PXK: variants seen among roughly 807,000 people sequenced by gnomAD.
The protein encoded by PXK is PX domain-containing protein kinase-like protein.
A neutral mutation model predicts 84.7 loss-of-function variants in PXK; 35 were observed. The ratio of observed to expected loss-of-function variants is 0.41; its 90% CI spans 0.32 to 0.55. PXK has a LOEUF of 0.55. Among genes scored for constraint, PXK ranks in the 20% least tolerant of loss-of-function variants. The pLI is 0.21. For synonymous variants in PXK, 253 were observed against 260.8 expected (o/e 0.97, Z 0.29); for missense variants, 634 against 699.7 (o/e 0.91, Z 1.06).
chr3:58,383,985 C>A lies in PXK; in HGVS notation c.388+1285C>A, dbSNP rs1312247255. Among the ~76,000 whole-genome samples the A allele has an allele frequency of 6.6e-6, 1 of 152,134 alleles. No individual in the cohort carries two copies. The highest frequency in any genetic ancestry group is 1.5e-5 in the Non-Finnish European group (1 of 68,030). On this transcript the variant is annotated intron_variant, in intron 4 of 17. Transcript: ENST00000356151. The surrounding 1 kb of genome is among the most constrained non-coding windows in gnomAD (Gnocchi z 4.0). ...GGGAAACAGATGTCTACTTGGCAGG[C>A]ACCAAGTTTTTCTCCACAGTAGAAT...
chr3:58,391,858 GTCTT>G lies in PXK; in HGVS notation c.615+17_615+20del. ...CTGCCTTCTTGTTTGGTGAGTATAC[GTCTT>G]TCTTTTATTCTCAGTGCTGATGATA... On this transcript the variant is annotated intron_variant, in intron 7 of 17. Coordinates refer to ENST00000356151, the MANE Select transcript of PXK (RefSeq NM_017771.5). 1 of 1,596,040 alleles carries G rather than the reference GTCTT, an allele frequency of 6.3e-7. No individual in the cohort carries two copies. The highest frequency in any genetic ancestry group is 8.6e-7 in the Non-Finnish European group (1 of 1,164,010).
intron 16 of PXK, among the ~76,000 whole-genome samples, 181 bp downstream of exon 16, chr3:58,410,340 C>T (rs1188226990): frequency 6.6e-6 from 1 of 152,208 alleles, no homozygotes; most frequent in East Asian, 1.9e-4. Context: ...GCTTACAGCA[C>T]TCAAATGCTA....
intron 4 of PXK, among the ~76,000 whole-genome samples, chr3:58,386,303 T>TTTTC: frequency 7.3e-6 from 1 of 137,412 alleles, no homozygotes; most frequent in African/African-American, 2.7e-5. Flanking sequence ...TTTTTTTTTT[T>TTTTC]TTTTTTTTTT....
intron 1 of PXK, among the ~76,000 whole-genome samples, chr3:58,342,127 T>C (rs920595057): frequency 2.6e-5 from 4 of 152,118 alleles, no homozygotes; most frequent in Admixed American, 1.3e-4. Flanking sequence ...ATTACCAAAC[T>C]CCAAGAAACA....
intron 1 of PXK, among the ~76,000 whole-genome samples, chr3:58,339,538 GT>G (rs945465429): frequency 6.6e-6 from 1 of 151,404 alleles, no homozygotes; most frequent in East Asian, 1.9e-4. Flanking sequence ...CCAGAAGTTG[GT>G]TTTTTTTGCA....
chr3:58,415,940 A>G (rs555325231), intron 17 of PXK, among the ~76,000 whole-genome samples: 4 of 152,348 alleles, frequency 2.6e-5, no homozygotes, highest in African/African-American at 7.2e-5. Context: ...AGGTAGATTC[A>G]GAGATCTGAC....
intron 1 of PXK, among the ~76,000 whole-genome samples, chr3:58,355,941 A>G (rs79549005): frequency 0.018 from 2,719 of 152,272 alleles, 78 homozygotes; most frequent in African/African-American, 0.062. Flanking sequence ...CATCCTAGCT[A>G]TGCCACCTTG....
At chr3:58,358,581 A>T (rs966456605) in intron 1 of PXK, among the ~76,000 whole-genome samples, 1 of 152,130 alleles carries the variant, frequency 6.6e-6, no homozygotes, top group Non-Finnish European at 1.5e-5. Context: ...CCTGATCCCC[A>T]GTTTCTCAAC....
In PXK at chr3:58,370,042, G is replaced by A. The variant is rs2098341850; in HGVS notation, c.201+564G>A. On this transcript the variant is annotated intron_variant, in intron 3 of 17. Coordinates refer to ENST00000356151, the MANE Select transcript of PXK (RefSeq NM_017771.5). This position sits in a 1 kb window ranked among gnomAD's most constrained non-coding sequence, Gnocchi z 4.2. ...GACTGTATTCTTACCACAGTCATAGGAGGCTGACGTAATATCTCCTTTTAA... is the reference window on the plus strand; with the variant it reads ...GACTGTATTCTTACCACAGTCATAGAAGGCTGACGTAATATCTCCTTTTAA... Among the ~76,000 whole-genome samples the A allele has an allele frequency of 6.6e-6, 1 of 152,114 alleles. No homozygotes were observed.
At chr3:58,422,397 C>A in intron 17 of PXK, 7 of 985,376 alleles carry the variant, frequency 7.1e-6, no homozygotes, top group Non-Finnish European at 8.4e-6. Context: ...ACATCAAGCC[C>A]CACCGGACTG....
chr3:58,338,810 G>A (rs942323020), intron 1 of PXK, among the ~76,000 whole-genome samples: 11 of 151,396 alleles, frequency 7.3e-5, no homozygotes, highest in African/African-American at 2.4e-4. Flanking sequence ...AGCCTCCCGA[G>A]TAGATGGGAT....
chr3:58,421,133 C>T lies in PXK; in HGVS notation c.1529-3619C>T, dbSNP rs556797020. The T allele has an allele frequency of 8.6e-5, 85 of 985,400 alleles. No individual in the cohort carries two copies. The Middle Eastern group carries it at 2.1e-3, about 24-fold the overall frequency. The allele number at this position is 985,400 out of a possible 1,614,324, so 61.0% of individuals were successfully genotyped here. A position where few individuals can be genotyped will look rare whatever the true frequency, so the allele number is the denominator to read the frequency against. On this transcript the variant is annotated intron_variant, in intron 17 of 17. Transcript: ENST00000356151. This position sits in a 1 kb window ranked among gnomAD's most constrained non-coding sequence, Gnocchi z 5.5. ...CCGAGAGCTGGGGGCTTGCCTGCTTCGGTTCTCTCCTGAGGGTGGCTGGTA... is the reference window on the plus strand; with the variant it reads ...CCGAGAGCTGGGGGCTTGCCTGCTTTGGTTCTCTCCTGAGGGTGGCTGGTA...
In PXK at chr3:58,333,492, T is replaced by TA. The variant is rs2107557346; in HGVS notation, c.102+404dup. ...CAGCCTTTTCCTTTTTGAGGCCGTG[T>TA]AATTTCCTCCTTGCAGCTGAGGGTC... On this transcript the variant is annotated intron_variant, in intron 1 of 17. Coordinates refer to ENST00000356151, the MANE Select transcript of PXK (RefSeq NM_017771.5). The surrounding 1 kb of genome is among the most constrained non-coding windows in gnomAD (Gnocchi z 5.4). 2 of 455,726 alleles carry TA rather than the reference T, an allele frequency of 4.4e-6. No homozygotes were observed. The highest frequency in any genetic ancestry group is 1.4e-4 in the East Asian group (2 of 14,362). 28.2% of individuals were successfully genotyped at this position (455,726 alleles called of 1,614,324 possible). A position where few individuals can be genotyped will look rare whatever the true frequency, so the allele number is the denominator to read the frequency against.
Position 58,398,508 on chromosome 3 carries a change from C to A in PXK, c.1102+786C>A, listed in dbSNP as rs994587466. On this transcript the variant is annotated intron_variant, in intron 11 of 17. Transcript: ENST00000356151. This position sits in a 1 kb window ranked among gnomAD's most constrained non-coding sequence, Gnocchi z 4.5. ...GGGCAGGCAGGCAGGAATGCAGACA[C>A]CAAGACAAATTGGATCCAGGAGCTC... Among the ~76,000 whole-genome samples, 1 of 152,168 alleles carries A rather than the reference C, an allele frequency of 6.6e-6. No homozygotes were observed. Among genetic ancestry groups the A allele is most frequent in the African/African-American group, 2.4e-5 (1 of 41,434 alleles).
At position 58,335,297 on chromosome 3, in the gene PXK, A is replaced by G. The variant is rs554663451; in HGVS notation, c.102+2207A>G. ...CCCATAGAGGCAGATGTGGTAGAGT[A>G]AAAAACTGTAGCATTGTCTTGCGTA... is the stretch of plus-strand genomic sequence containing the variant. On this transcript the variant is annotated intron_variant, in intron 1 of 17. Transcript: ENST00000356151. Among the ~76,000 whole-genome samples the G allele has an allele frequency of 7.2e-5, 11 of 152,296 alleles. No homozygotes were observed. The South Asian group carries it at 2.3e-3, about 32-fold the overall frequency.
chr3:58,389,786 G>C (rs901435718), intron 4 of PXK, among the ~76,000 whole-genome samples: 7 of 151,904 alleles, frequency 4.6e-5, no homozygotes, highest in Non-Finnish European at 8.8e-5. Context: ...GATCACCTGA[G>C]GTCAGGAGCT....
chr3:58,423,041 C>T (rs962719662), intron 17 of PXK: 5 of 985,342 alleles, frequency 5.1e-6, no homozygotes, highest in South Asian at 9.4e-5. Flanking sequence ...ACCTACTTAC[C>T]CCCAAGTGGG....
intron 1 of PXK, among the ~76,000 whole-genome samples, chr3:58,338,622 T>TA (rs899931411): frequency 4.7e-5 from 7 of 150,474 alleles, no homozygotes; most frequent in African/African-American, 1.5e-4. Flanking sequence ...GACTCCGTCT[T>TA]AAAAAAAAAA....
chr3:58,368,983 C>T (rs1470645607), intron 2 of PXK, among the ~76,000 whole-genome samples: 1 of 152,178 alleles, frequency 6.6e-6, no homozygotes, highest in African/African-American at 2.4e-5. Context: ...GTCCAGTCTC[C>T]AGGGTGGTGG....
Sources: gnomAD v4.1 joint callset for allele counts (sites outside exome capture counted in the v4.1 genomes callset) on GRCh38, gnomAD v4.1.1 for gene constraint, Gnocchi (gnomAD v3.1) non-coding constraint, MANE v1.5 for transcripts, NCBI Gene and HGNC (gene_info 2026-07-23, HGNC 2026-07-21) for gene names.